The following ADCY8 variants were observed in gnomAD, a reference collection of about 807,000 sequenced individuals.
The protein encoded by ADCY8 is adenylate cyclase 8.
A neutral mutation model predicts 119.7 loss-of-function variants in ADCY8; 51 were observed. The observed-to-expected ratio is 0.43, with a 90% confidence interval of 0.34 to 0.54. The LOEUF is 0.54. ADCY8 is among the 20% of genes least tolerant of loss of function. The pLI is 0.03. For missense variants in ADCY8, 1,383 were observed against 1,598.8 expected (o/e 0.87, Z 2.30); for synonymous variants, 665 against 651.0 (o/e 1.02, Z -0.33).
At chr8:131,023,249 G>T (rs76226726) in intron 1 of ADCY8, among the ~76,000 whole-genome samples, 1,577 of 152,296 alleles carry the variant, frequency 0.01, 15 homozygotes, top group Non-Finnish European at 0.017. Context: ...TGAAACAAAA[G>T]AGACCCTTCT....
chr8:130,893,942 A>G (rs1819296735), intron 7 of ADCY8, among the ~76,000 whole-genome samples: 1 of 152,054 alleles, frequency 6.6e-6, no homozygotes, highest in South Asian at 2.1e-4. Flanking sequence ...TTTTGAGAAA[A>G]TTGAAATAGA....
intron 2 of ADCY8, among the ~76,000 whole-genome samples, chr8:130,956,888 T>A (rs1821444697): frequency 6.6e-6 from 1 of 152,220 alleles, no homozygotes; most frequent in South Asian, 2.1e-4. Flanking sequence ...CTGCCATGAT[T>A]GTGAGGCTTC....
At chr8:130,922,052 C>T (rs1051824479) in intron 5 of ADCY8, among the ~76,000 whole-genome samples, 2 of 152,070 alleles carry the variant, frequency 1.3e-5, no homozygotes, top group South Asian at 2.1e-4. Context: ...GAGGCTTGAG[C>T]CAGCACATTA....
At chr8:130,869,664 C>G (rs1215119136) in intron 8 of ADCY8, among the ~76,000 whole-genome samples, 1 of 151,480 alleles carries the variant, frequency 6.6e-6, no homozygotes, top group African/African-American at 2.4e-5. Flanking sequence ...ACTACAGGCG[C>G]CTGCCACCAC....
At chr8:130,843,832 G>T (rs1185617485) in intron 11 of ADCY8, among the ~76,000 whole-genome samples, 1 of 152,104 alleles carries the variant, frequency 6.6e-6, no homozygotes, top group Non-Finnish European at 1.5e-5. Flanking sequence ...GGATGTCCTA[G>T]ATAAATAAAT....
chr8:130,834,711 C>T (rs1443926603), intron 12 of ADCY8, among the ~76,000 whole-genome samples: 1 of 151,926 alleles, frequency 6.6e-6, no homozygotes, highest in Non-Finnish European at 1.5e-5. Context: ...TATATATCAA[C>T]CTAGATGGAT....
At chr8:130,993,453 C>A (rs973673919) in intron 1 of ADCY8, among the ~76,000 whole-genome samples, 3 of 152,162 alleles carry the variant, frequency 2.0e-5, no homozygotes, top group African/African-American at 4.8e-5. Context: ...ATATGATTAA[C>A]AACCGTGAAA....
chr8:130,930,353 G>T (rs11996141), intron 5 of ADCY8, among the ~76,000 whole-genome samples: 59 of 151,612 alleles, frequency 3.9e-4, no homozygotes, highest in African/African-American at 1.4e-3. Context: ...CCAAGTTCAC[G>T]CCATTCTCCT....
intron 9 of ADCY8, among the ~76,000 whole-genome samples, chr8:130,863,119 A>T (rs1455312183): frequency 2.0e-5 from 3 of 152,086 alleles, no homozygotes; most frequent in Non-Finnish European, 4.4e-5. Flanking sequence ...TTTCAATTCT[A>T]TCTGTTTTTG....
At chr8:130,826,187 A>G (rs1816663012) in intron 12 of ADCY8, among the ~76,000 whole-genome samples, 1 of 152,194 alleles carries the variant, frequency 6.6e-6, no homozygotes, top group South Asian at 2.1e-4. Flanking sequence ...GAATCTTCCT[A>G]TGTTTGAAAA....
At chr8:130,889,995 C>G (rs1179698356) in intron 7 of ADCY8, among the ~76,000 whole-genome samples, 1 of 152,086 alleles carries the variant, frequency 6.6e-6, no homozygotes, top group Non-Finnish European at 1.5e-5. Context: ...GTGATTGTTT[C>G]TCTAGACTAT....
rs145297923 is a variant in ADCY8 at position 130,907,035 on chromosome 8, A to G, written c.1640+2673T>C. On this transcript the variant is annotated intron_variant, in intron 6 of 17. Transcript: ENST00000286355. The stretch of plus-strand genomic sequence containing the variant: ...TTCAGCGTCTCTCTACCACCCTGGA[A>G]CTGTATTATATGGTAACTACTACCA... 9.5e-4 allele frequency among the ~76,000 whole-genome samples: 145 copies of G among 152,220 alleles called. 4 individuals are homozygous for G. The highest frequency in any genetic ancestry group is 3.4e-3 in the African/African-American group (142 of 41,524).
At chr8:131,001,567 TTATATATTA>T in intron 1 of ADCY8, among the ~76,000 whole-genome samples, 1 of 147,806 alleles carries the variant, frequency 6.8e-6, no homozygotes, top group Admixed American at 6.8e-5. Flanking sequence ...TATACAAATA[TTATATATTA>T]TATATATCTA....
At chr8:130,929,517 C>T (rs1169420554) in intron 5 of ADCY8, among the ~76,000 whole-genome samples, 1 of 152,116 alleles carries the variant, frequency 6.6e-6, no homozygotes, top group Non-Finnish European at 1.5e-5. Context: ...TGATTTGAAT[C>T]TTCTTAAATT....
rs781040718 is a variant in ADCY8 at position 130,849,660 on chromosome 8, C to T, written c.2354G>A (p.Arg785Gln). ...CCWINETYLA[R>Q]NVIIFASILI... ...AATGGATGCAAAGATGATGACGTTCCGGGCCAAATAGGTCTCATTAATCCA... is the reference window on the plus strand; with the variant it reads ...AATGGATGCAAAGATGATGACGTTCTGGGCCAAATAGGTCTCATTAATCCA... Residue 785 changes from arginine (R) to glutamine (Q), a missense_variant, in exon 10 of 18, where the codon CGG becomes CAG. By Grantham distance (43) the Arg-to-Gln change is conservative. Around this residue, in one of 2 missense-constraint regions of ADCY8, gnomAD observed 928 missense variants for 1,163.5 expected, o/e 0.80. Transcript: ENST00000286355. 1.2e-5 allele frequency: 19 copies of T among 1,613,860 alleles called. No individual in the cohort carries two copies. The highest frequency in any genetic ancestry group is 4.0e-5 in the African/African-American group (3 of 74,878).
intron 8 of ADCY8, among the ~76,000 whole-genome samples, chr8:130,871,957 C>T (rs77460914): frequency 0.011 from 1,733 of 152,096 alleles, 22 homozygotes; most frequent in Non-Finnish European, 0.017. Flanking sequence ...CACACACACA[C>T]GCACGTGCAC....
At chr8:131,011,729 C>T (rs1381920364) in intron 1 of ADCY8, among the ~76,000 whole-genome samples, 2 of 152,074 alleles carry the variant, frequency 1.3e-5, no homozygotes, top group Non-Finnish European at 2.9e-5. Context: ...AAAGGGACCT[C>T]CCTTACAGCA....
chr8:130,909,366 TAGATTCTGCAC>T (rs1819901518), intron 6 of ADCY8, among the ~76,000 whole-genome samples: 1 of 152,178 alleles, frequency 6.6e-6, no homozygotes, highest in African/African-American at 2.4e-5. Context: ...GAACTTAAAA[TAGATTCTGCAC>T]AGATTCTGCT....
intron 1 of ADCY8, among the ~76,000 whole-genome samples, chr8:131,023,107 T>C (rs567571432): frequency 6.6e-6 from 1 of 152,252 alleles, no homozygotes; most frequent in East Asian, 1.9e-4. Context: ...GAGGTTGCAA[T>C]CCTGCAATAT....
Sources: allele counts gnomAD v4.1 joint callset (sites outside exome capture counted in the v4.1 genomes callset), GRCh38; gene constraint gnomAD v4.1.1; regional missense constraint gnomAD v4.1.1; transcripts MANE v1.5; gene names NCBI Gene and HGNC (gene_info 2026-07-23, HGNC 2026-07-21).